Variants in SMAD6 observed in about 807,000 individuals in gnomAD.
The protein encoded by SMAD6 is SMAD family member 6, also known as MAD homolog 6.
In SMAD6, 103 loss-of-function variants were observed where a neutral mutation model predicts 39.4. The ratio of observed to expected loss-of-function variants is 2.62; its 90% CI spans 2.23 to 3.08. The LOEUF is 3.08. Among genes scored for constraint, SMAD6 ranks in the 30% most tolerant of loss-of-function variants. SMAD6 has a pLI of 0.00. For synonymous variants in SMAD6, 445 were observed against 353.3 expected (o/e 1.26, Z -2.91); for missense variants, 1,104 against 742.9 (o/e 1.49, Z -5.65).
At position 66,780,990 on chromosome 15, in the gene SMAD6, C is replaced by G. The variant is rs778147848; in HGVS notation, c.953-7C>G. On this transcript the variant is annotated splice_polypyrimidine_tract_variant and splice_region_variant and intron_variant, in intron 3 of 3. Coordinates refer to ENST00000288840, the MANE Select transcript of SMAD6 (RefSeq NM_005585.5). ...ATAACGCGGCGGTCCCTGTGCTTGT[C>G]CCGCAGACGCCAGCATGTCTCCGGA... The G allele has an allele frequency of 6.4e-7, 1 of 1,556,238 alleles. No homozygotes were observed. The highest frequency in any genetic ancestry group is 8.7e-7 in the Non-Finnish European group (1 of 1,155,520).
intron 3 of SMAD6, among the ~76,000 whole-genome samples, chr15:66,746,744 A>T (rs1169201268): frequency 1.3e-5 from 2 of 152,160 alleles, no homozygotes; most frequent in Non-Finnish European, 2.9e-5. Flanking sequence ...CAAACTGCTC[A>T]GGTGACCAGG....
intron 3 of SMAD6, among the ~76,000 whole-genome samples, chr15:66,754,548 ATT>A (rs1457466298): frequency 3.3e-5 from 5 of 152,046 alleles, no homozygotes; most frequent in Non-Finnish European, 7.4e-5. Flanking sequence ...GATAGGATTC[ATT>A]TATTCTCATT....
chr15:66,781,100 GGCCGTCA>G lies in SMAD6; in HGVS notation c.1059_1065del (p.Val354SerfsTer183). On this transcript the variant is annotated frameshift_variant, in exon 4 of 4. Transcript: ENST00000288840. LOFTEE classifies it high-confidence loss of function. Reference sequence around the variant, plus strand: ...GCCGCCTCTATGCGGTGTACGACCAGGCCGTCAGCATCTTCTACGACCTACCTCAGGG... The same window carrying G: ...GCCGCCTCTATGCGGTGTACGACCAGGCATCTTCTACGACCTACCTCAGGG... 6.2e-7 allele frequency: 1 copy of G among 1,608,708 alleles called. No individual in the cohort carries two copies. The highest frequency in any genetic ancestry group is 8.5e-7 in the Non-Finnish European group (1 of 1,179,606).
At chr15:66,739,307 T>C (rs1029175072) in intron 3 of SMAD6, among the ~76,000 whole-genome samples, 2 of 152,064 alleles carry the variant, frequency 1.3e-5, no homozygotes. Flanking sequence ...GCCAGGCTGA[T>C]CTAGAACTCC....
At chr15:66,733,401 A>G (rs1893663799) in intron 3 of SMAD6, among the ~76,000 whole-genome samples, 2 of 152,258 alleles carry the variant, frequency 1.3e-5, no homozygotes, top group South Asian at 4.1e-4. Flanking sequence ...TCATTTTGAC[A>G]ATATTGGTTC....
chr15:66,777,018 C>CA (rs1894478216), intron 3 of SMAD6, among the ~76,000 whole-genome samples: 1 of 152,216 alleles, frequency 6.6e-6, no homozygotes, highest in Non-Finnish European at 1.5e-5. Context: ...GCCTGAGTGA[C>CA]AGAGTGAGAC....
intron 3 of SMAD6, among the ~76,000 whole-genome samples, chr15:66,758,907 A>G (rs1894149435): frequency 6.6e-6 from 1 of 152,168 alleles, no homozygotes; most frequent in African/African-American, 2.4e-5. Flanking sequence ...CAATATTAAT[A>G]TGAAGTAATA....
At chr15:66,763,521 C>A (rs1894239153) in intron 3 of SMAD6, among the ~76,000 whole-genome samples, 1 of 152,236 alleles carries the variant, frequency 6.6e-6, no homozygotes, top group Admixed American at 6.5e-5. Context: ...GCCCACCTCT[C>A]TGGGGCCTTG....
In SMAD6 at chr15:66,781,034, CTGG is replaced by C. The variant is rs1894551350; in HGVS notation, c.993_995del (p.Trp331del). 6.3e-7 allele frequency: 1 copy of C among 1,598,244 alleles called. No homozygotes were observed. Among genetic ancestry groups the C allele is most frequent in the Admixed American group, 1.7e-5 (1 of 59,554 alleles). ...CTCCGGACGCCACCAAGCCGAGCCA[CTGG>C]TGCAGCGTGGCGTACTGGGAGCACC... On this transcript the variant is annotated inframe_deletion, in exon 4 of 4. Transcript: ENST00000288840.
At chr15:66,759,779 T>C (rs954893839) in intron 3 of SMAD6, among the ~76,000 whole-genome samples, 4 of 152,228 alleles carry the variant, frequency 2.6e-5, no homozygotes, top group African/African-American at 4.8e-5. Flanking sequence ...TCTAGTATTA[T>C]TCACATTCAC....
At chr15:66,706,819 C>G (rs1893122981) in intron 1 of SMAD6, 1 of 152,322 alleles carries the variant, frequency 6.6e-6, no homozygotes, top group African/African-American at 2.4e-5. Flanking sequence ...TGGACCCCTG[C>G]TGTTCAGAGC....
chr15:66,711,689 C>CT lies in SMAD6; in HGVS notation c.840dup (p.Arg281SerfsTer22). ...CCAGAATCTCCGCCACCTCCCTACT[C>CT]TCGGCTGTCTCCTCGCGACGAGTAC... is the stretch of plus-strand genomic sequence containing the variant. On this transcript the variant is annotated frameshift_variant, in exon 2 of 4. Coordinates refer to ENST00000288840, the MANE Select transcript of SMAD6 (RefSeq NM_005585.5). LOFTEE classifies it high-confidence loss of function. The CT allele has an allele frequency of 1.9e-6, 3 of 1,614,024 alleles. No individual in the cohort carries two copies. Among genetic ancestry groups the CT allele is most frequent in the Non-Finnish European group, 2.5e-6 (3 of 1,179,936 alleles).
chr15:66,737,145 C>T (rs1893726771), intron 3 of SMAD6, among the ~76,000 whole-genome samples: 2 of 152,218 alleles, frequency 1.3e-5, no homozygotes, highest in Admixed American at 1.3e-4. Flanking sequence ...TCAGCATCCT[C>T]CCCGGGTCCC....
At chr15:66,716,275 G>T in intron 2 of SMAD6, 146 bp from the exon 3 acceptor site, 1 of 649,502 alleles carries the variant, frequency 1.5e-6, no homozygotes, top group Admixed American at 2.4e-5. Context: ...GTTACAGGGT[G>T]ACATCAGAAA....
chr15:66,711,257 A>G (rs919234384), intron 1 of SMAD6, among the ~76,000 whole-genome samples: 1 of 152,112 alleles, frequency 6.6e-6, no homozygotes, highest in African/African-American at 2.4e-5. Context: ...CTTTCCCTGC[A>G]CTCACGTTTC....
intron 1 of SMAD6, chr15:66,705,731 A>G (rs57092023): frequency 0.24 from 36,371 of 152,450 alleles, 4,390 homozygotes; most frequent in Middle Eastern, 0.35. Flanking sequence ...AGTAGGATCT[A>G]TGCCCTCAAG....
chr15:66,772,020 A>T (rs994562800), intron 3 of SMAD6, among the ~76,000 whole-genome samples: 3 of 152,158 alleles, frequency 2.0e-5, no homozygotes, highest in African/African-American at 7.2e-5. Flanking sequence ...GTCGTGGGGC[A>T]GTGTCGTTAG....
chr15:66,703,616 G>A lies in SMAD6; in HGVS notation c.358G>A (p.Asp120Asn), dbSNP rs1397296874. ...AGGCCCGGGCTGGCTGCCCGAGAGT[G>A]ACTGCGAGACGGTGACCTGCTGTCT... ...PGGPGWLPES[D>N]CETVTCCLFS... Residue 120 changes from aspartate (D) to asparagine (N), a missense_variant, in exon 1 of 4, where the codon GAC becomes AAC. Transcript: ENST00000288840. The A allele has an allele frequency of 4.1e-6, 5 of 1,230,058 alleles. No homozygotes were observed. Among genetic ancestry groups the A allele is most frequent in the Non-Finnish European group, 4.1e-6 (4 of 983,884 alleles). 76.2% of individuals were successfully genotyped at this position (1,230,058 alleles called of 1,614,324 possible). A position where few individuals can be genotyped will look rare whatever the true frequency, so the allele number is the denominator to read the frequency against.
At chr15:66,740,150 C>A (rs1893788132) in intron 3 of SMAD6, among the ~76,000 whole-genome samples, 1 of 152,222 alleles carries the variant, frequency 6.6e-6, no homozygotes, top group African/African-American at 2.4e-5. Flanking sequence ...GAGGTGGGGT[C>A]TGCCCACATG....
Sources: allele counts gnomAD v4.1 joint callset (sites outside exome capture counted in the v4.1 genomes callset), GRCh38; gene constraint gnomAD v4.1.1; transcripts MANE v1.5; gene names NCBI Gene and HGNC (gene_info 2026-07-23, HGNC 2026-07-21).